The following DLGAP5 variants were observed in gnomAD, a reference collection of about 807,000 sequenced individuals.
DLGAP5 encodes disks large-associated protein 5.
A neutral mutation model predicts 99.6 loss-of-function variants in DLGAP5; 90 were observed. That is an observed-to-expected ratio of 0.90 (90% CI 0.76 to 1.08). DLGAP5 has a LOEUF of 1.08. Among genes scored for constraint, DLGAP5 ranks in the 50% least tolerant of loss-of-function variants. The pLI is 0.00. For synonymous variants in DLGAP5, 311 were observed against 321.3 expected, an observed-to-expected ratio of 0.97 and a Z score of 0.34; for missense variants, 1,036 against 983.5, an observed-to-expected ratio of 1.05 and a Z score of -0.71.
intron 11 of DLGAP5, among the ~76,000 whole-genome samples, chr14:55,169,966 C>A (rs1210133368): frequency 6.6e-6 from 1 of 152,044 alleles, no homozygotes; most frequent in Non-Finnish European, 1.5e-5. Context: ...GAAACCCCAT[C>A]CCTACTAAAA....
At chr14:55,159,336 C>T (rs1386090771) in intron 13 of DLGAP5, among the ~76,000 whole-genome samples, 1 of 152,094 alleles carries the variant, frequency 6.6e-6, no homozygotes, top group Admixed American at 6.5e-5. Flanking sequence ...CACATTTACA[C>T]AGAGGACAAG....
chr14:55,172,981 C>CAAAAAAAAAAA (rs71291818), intron 10 of DLGAP5, among the ~76,000 whole-genome samples: 1 of 62,110 alleles, frequency 1.6e-5, no homozygotes, highest in Non-Finnish European at 3.0e-5. Context: ...GACTCCGTCT[C>CAAAAAAAAAAA]AAAAAAAAAA....
intron 16 of DLGAP5, 93 bp downstream of exon 16, chr14:55,152,497 G>T: frequency 3.2e-6 from 3 of 950,276 alleles, no homozygotes; most frequent in Non-Finnish European, 4.5e-6. Context: ...GATTTCCAAC[G>T]GAAATTCTGG....
Position 55,175,974 on chromosome 14 carries a change from T to G in DLGAP5, c.1094A>C (p.Lys365Thr). The G allele has an allele frequency of 6.2e-7, 1 of 1,609,226 alleles. No individual in the cohort carries two copies. Among genetic ancestry groups the G allele is most frequent in the Non-Finnish European group, 8.5e-7 (1 of 1,177,084 alleles). ...ATKEILAQKC[K>T]TYSTKTIQQD... Reference sequence around the variant, plus strand: ...CTGTATTGTCTTGGTAGAGTAAGTTTTACATTTTTGTGCCAAAATTTCTTT... The same window carrying G: ...CTGTATTGTCTTGGTAGAGTAAGTTGTACATTTTTGTGCCAAAATTTCTTT... The change falls in exon 9 of 19, where the codon AAA becomes ACA. Residue 365 changes from lysine to threonine, a missense_variant. Transcript: ENST00000247191.
chr14:55,161,219 G>C (rs1361631385), intron 13 of DLGAP5, among the ~76,000 whole-genome samples: 1 of 151,936 alleles, frequency 6.6e-6, no homozygotes, highest in Non-Finnish European at 1.5e-5. Flanking sequence ...AATCTCTATA[G>C]GACATAGCCA....
chr14:55,153,018 T>C (rs564152984), intron 15 of DLGAP5, among the ~76,000 whole-genome samples: 1 of 152,028 alleles, frequency 6.6e-6, no homozygotes, highest in African/African-American at 2.4e-5. Flanking sequence ...CTAGCTGGAG[T>C]TAGCTACATT....
intron 8 of DLGAP5, among the ~76,000 whole-genome samples, 160 bp downstream of exon 8, chr14:55,176,902 C>T (rs574909011): frequency 6.0e-5 from 8 of 132,364 alleles, no homozygotes; most frequent in East Asian, 5.1e-4. Flanking sequence ...GGCGTGAACC[C>T]GGGTGGCGGA....
chr14:55,187,821 T>C (rs1342623372), intron 2 of DLGAP5, among the ~76,000 whole-genome samples: 2 of 152,112 alleles, frequency 1.3e-5, no homozygotes, highest in South Asian at 4.1e-4. Flanking sequence ...TCAGATTACA[T>C]AAACACCCAT....
At chr14:55,177,451 T>A in intron 7 of DLGAP5, 115 bp from the exon 8 acceptor site, 1 of 961,836 alleles carries the variant, frequency 1.0e-6, no homozygotes, top group Non-Finnish European at 1.5e-6. Context: ...TGTACATAAT[T>A]TGAGAGACAA....
At chr14:55,173,886 T>C (rs991345279) in intron 10 of DLGAP5, among the ~76,000 whole-genome samples, 3 of 152,198 alleles carry the variant, frequency 2.0e-5, no homozygotes, top group African/African-American at 7.2e-5. Flanking sequence ...GGAGGATGTA[T>C]GTCACCTCAG....
chr14:55,184,632 T>C (rs4901556), intron 2 of DLGAP5, among the ~76,000 whole-genome samples: 2,050 of 152,276 alleles, frequency 0.013, 113 homozygotes, highest in Admixed American at 0.09. Context: ...TTGCTCTCTC[T>C]TGAAGCGTCG....
At chr14:55,171,655 G>C (rs1192524090) in intron 10 of DLGAP5, among the ~76,000 whole-genome samples, 1 of 152,186 alleles carries the variant, frequency 6.6e-6, no homozygotes, top group African/African-American at 2.4e-5. Flanking sequence ...GGGTCTCAAA[G>C]AGGTATTTGT....
At chr14:55,162,875 C>A in intron 13 of DLGAP5, 96 bp downstream of exon 13, 1 of 522,418 alleles carries the variant, frequency 1.9e-6, no homozygotes, top group Non-Finnish European at 3.1e-6. Flanking sequence ...AACTTAAAAA[C>A]AAGAAGTAGA....
intron 18 of DLGAP5, 137 bp downstream of exon 18, chr14:55,150,662 C>T: frequency 1.6e-6 from 1 of 614,588 alleles, no homozygotes; most frequent in Non-Finnish European, 2.6e-6. Context: ...TTTCTTCATT[C>T]TGTGAAAAAT....
In DLGAP5 at chr14:55,163,248, T is replaced by C. The variant is rs559273587; in HGVS notation, c.1549-173A>G. 9.8e-5 allele frequency among the ~76,000 whole-genome samples: 15 copies of C among 152,362 alleles called. No individual in the cohort carries two copies. In the East Asian group the frequency reaches 2.7e-3, roughly 27 times the overall value. ...CAAATAATTTTTATGGTAAAGTTTT[T>C]CATTATCTTTCGTCTTACAAACCTC... On this transcript the variant is annotated intron_variant, in intron 12 of 18. Transcript: ENST00000247191.
chr14:55,148,817 G>A (rs1188498870), intron 18 of DLGAP5: 1 of 348,908 alleles, frequency 2.9e-6, no homozygotes, highest in African/African-American at 2.1e-5. Context: ...TATTGGAAAG[G>A]TATATTCAGA....
chr14:55,168,485 T>G (rs1452605224), intron 12 of DLGAP5, among the ~76,000 whole-genome samples: 1 of 152,214 alleles, frequency 6.6e-6, no homozygotes, highest in East Asian at 1.9e-4. Flanking sequence ...GTTTGAAGCT[T>G]TTTTCAATGT....
rs771030717 is a variant in DLGAP5, at chr14:55,154,692, G to A, written c.1988C>T (p.Pro663Leu). ...EMGIPQQTTS[P>L]ENAGPQNTKS... is the part of the protein sequence containing the mutation. ...CGTATTCTGAGGACCGGCATTTTCT[G>A]GTGATGTAGTTTGTTGTGGAATGCC... Residue 663 changes from proline (P) to leucine (L), a missense_variant, in exon 15 of 19, where the codon CCA (proline) becomes CTA (leucine). By Grantham distance (98) the Pro-to-Leu change is moderately conservative. Transcript: ENST00000247191. 6.2e-7 allele frequency: 1 copy of A among 1,613,986 alleles called. No individual in the cohort carries two copies. Among genetic ancestry groups the A allele is most frequent in the Non-Finnish European group, 8.5e-7 (1 of 1,180,004 alleles).
intron 8 of DLGAP5, 79 bp from the exon 9 acceptor site, chr14:55,176,097 C>A: frequency 7.9e-7 from 1 of 1,265,986 alleles, no homozygotes; most frequent in Non-Finnish European, 1.1e-6. Flanking sequence ...AATTGTGTCA[C>A]TTGTAGATCT....
Sources: allele counts gnomAD v4.1 joint callset (sites outside exome capture counted in the v4.1 genomes callset), GRCh38; gene constraint gnomAD v4.1.1; transcripts MANE v1.5; gene names NCBI Gene and HGNC (gene_info 2026-07-23, HGNC 2026-07-21).